Variants in DAB1 observed in about 807,000 individuals in gnomAD.
DAB1 encodes DAB adaptor protein 1.
In DAB1, 15 loss-of-function variants were observed where a neutral mutation model predicts 64.6. The ratio of observed to expected loss-of-function variants is 0.23; its 90% CI spans 0.16 to 0.36. The LOEUF is 0.36. Among genes scored for constraint, DAB1 ranks in the 10% least tolerant of loss-of-function variants. The probability of loss-of-function intolerance (pLI) is 1.00; values close to 1 mark genes in which losing one functional copy is unlikely to be tolerated. For missense variants in DAB1, 596 were observed against 706.7 expected (o/e 0.84, Z 1.78); for synonymous variants, 235 against 251.9 (o/e 0.93, Z 0.64).
intron 3 of DAB1, among the ~76,000 whole-genome samples, chr1:58,403,897 T>G (rs1018082636): frequency 6.6e-6 from 1 of 152,238 alleles, no homozygotes; most frequent in Non-Finnish European, 1.5e-5. Context: ...CTCTAGAATC[T>G]TCACTCTTTT....
intron 4 of DAB1, among the ~76,000 whole-genome samples, chr1:58,223,407 T>C (rs937545167): frequency 3.9e-5 from 6 of 152,214 alleles, no homozygotes; most frequent in Non-Finnish European, 7.3e-5. Flanking sequence ...AAGATCACAG[T>C]GCCTAGGTGA....
At chr1:57,800,725 C>T (rs1230547922) in intron 6 of DAB1, among the ~76,000 whole-genome samples, 1 of 152,196 alleles carries the variant, frequency 6.6e-6, no homozygotes, top group Admixed American at 6.5e-5. Context: ...TTCACCCCCA[C>T]CCCAAATCCC....
At chr1:57,025,339 C>T (rs1646749969) in intron 10 of DAB1, among the ~76,000 whole-genome samples, 1 of 152,202 alleles carries the variant, frequency 6.6e-6, no homozygotes, top group African/African-American at 2.4e-5. Context: ...CTTTTGTAAG[C>T]ACTGACTGAG....
At chr1:57,532,233 T>C (rs751176880) in intron 7 of DAB1, among the ~76,000 whole-genome samples, 12 of 127,940 alleles carry the variant, frequency 9.4e-5, no homozygotes, top group Admixed American at 6.0e-4. Flanking sequence ...GGAGTGATAA[T>C]GGTGTGGGCG....
chr1:58,434,741 G>A (rs1275322736), intron 3 of DAB1, among the ~76,000 whole-genome samples: 1 of 152,164 alleles, frequency 6.6e-6, no homozygotes, highest in African/African-American at 2.4e-5. Flanking sequence ...TTAAGATGTT[G>A]CTTTGACACC....
At position 57,015,383 on chromosome 1, in the gene DAB1, G is replaced by T. The variant is rs865869141; in HGVS notation, c.944C>A (p.Pro315His). Residue 315 changes from proline (P) to histidine (H), a missense_variant, in exon 12 of 15, where the codon CCC (proline) becomes CAC (histidine). By Grantham distance (77) the Pro-to-His change is moderately conservative. Around this residue, in one of 3 missense-constraint regions of DAB1, gnomAD observed 377 missense variants for 400.4 expected, o/e 0.94. Transcript: ENST00000371236. ...AVLPSFWGQQ[P>H]LVQQQMVMGA... ...CATGACCATCTGCTGTTGGACGAGG[G>T]GCTGCTGACCCCAGAAGGACGGGAG... 2 of 1,613,816 alleles carry T rather than the reference G, an allele frequency of 1.2e-6. No homozygotes were observed. Among genetic ancestry groups the T allele is most frequent in the African/African-American group, 2.7e-5 (2 of 74,908 alleles).
At chr1:57,334,816 T>C (rs576307798) in intron 1 of DAB1, among the ~76,000 whole-genome samples, 6 of 152,162 alleles carry the variant, frequency 3.9e-5, no homozygotes, top group Non-Finnish European at 5.9e-5. Flanking sequence ...TGGCTAGTAA[T>C]AGTAGAGCTG....
chr1:57,090,734 T>C (rs1247898745), intron 4 of DAB1, among the ~76,000 whole-genome samples: 1 of 152,112 alleles, frequency 6.6e-6, no homozygotes, highest in Non-Finnish European at 1.5e-5. Flanking sequence ...CCTTTAAGTG[T>C]CCTCTAATTG....
At chr1:58,052,997 A>G (rs1647784260) in intron 5 of DAB1, among the ~76,000 whole-genome samples, 1 of 152,224 alleles carries the variant, frequency 6.6e-6, no homozygotes, top group African/African-American at 2.4e-5. Flanking sequence ...ATGGTGAAAG[A>G]AAAAGCAAGA....
At chr1:57,257,326 A>T (rs2100543456) in intron 2 of DAB1, among the ~76,000 whole-genome samples, 1 of 152,306 alleles carries the variant, frequency 6.6e-6, no homozygotes, top group African/African-American at 2.4e-5. Context: ...CCAGTCTCCA[A>T]AAGTGTGCTC....
At chr1:57,028,326 G>T (rs1205902389) in intron 9 of DAB1, among the ~76,000 whole-genome samples, 1 of 152,076 alleles carries the variant, frequency 6.6e-6, no homozygotes, top group Non-Finnish European at 1.5e-5. Flanking sequence ...TTTGCCTTCC[G>T]CCATGATATT....
At chr1:57,440,642 C>T (rs1018028615) in intron 7 of DAB1, among the ~76,000 whole-genome samples, 3 of 152,102 alleles carry the variant, frequency 2.0e-5, no homozygotes, top group African/African-American at 7.2e-5. Context: ...AAGGCAAAAC[C>T]GTTCATAGCT....
At chr1:57,964,714 C>T (rs1343388013) in intron 5 of DAB1, among the ~76,000 whole-genome samples, 6 of 152,160 alleles carry the variant, frequency 3.9e-5, no homozygotes, top group Middle Eastern at 3.4e-3. Context: ...GTAAGTTATC[C>T]GATGGCAGAA....
At chr1:57,394,047 G>A (rs566153454) in intron 1 of DAB1, among the ~76,000 whole-genome samples, 65 of 152,250 alleles carry the variant, frequency 4.3e-4, no homozygotes, top group African/African-American at 1.3e-3. Context: ...AGTTCTCAAC[G>A]TAGCATTATG....
At chr1:57,460,126 C>A (rs1256114798) in intron 7 of DAB1, among the ~76,000 whole-genome samples, 1 of 152,176 alleles carries the variant, frequency 6.6e-6, no homozygotes, top group Non-Finnish European at 1.5e-5. Flanking sequence ...ATTAGTTGAG[C>A]AAACAAACCA....
intron 1 of DAB1, among the ~76,000 whole-genome samples, chr1:57,354,453 A>T (rs1253565819): frequency 6.6e-6 from 1 of 152,128 alleles, no homozygotes; most frequent in Non-Finnish European, 1.5e-5. Context: ...GTAGTATGAC[A>T]TCTTCAATGA....
intron 5 of DAB1, among the ~76,000 whole-genome samples, chr1:58,125,964 G>A (rs1476652464): frequency 6.6e-6 from 1 of 152,088 alleles, no homozygotes; most frequent in African/African-American, 2.4e-5. Flanking sequence ...GGAAGGAGAA[G>A]GGGACAGGCT....
chr1:57,691,957 G>A lies in DAB1; in HGVS notation n.552-42292C>T, dbSNP rs1646769772. 2.6e-5 allele frequency among the ~76,000 whole-genome samples: 4 copies of A among 152,068 alleles called. No individual in the cohort carries two copies. The South Asian group carries it at 8.3e-4, about 32-fold the overall frequency. On this transcript the variant is annotated intron_variant and non_coding_transcript_variant, in intron 6 of 20. Transcript: ENST00000485760. ...ATGGGTGTCAGGCTTTCTGGGAAAG[G>A]GCTCTCTAACAACCCCCAACTCTTC... is the stretch of plus-strand genomic sequence containing the variant.
intron 7 of DAB1, among the ~76,000 whole-genome samples, chr1:57,615,939 T>C (rs373818561): frequency 6.6e-6 from 1 of 152,282 alleles, no homozygotes; most frequent in East Asian, 1.9e-4. Context: ...CCCCTGTAAG[T>C]ACTGAAACAG....
Sources: gnomAD v4.1 joint callset for allele counts (sites outside exome capture counted in the v4.1 genomes callset) on GRCh38, gnomAD v4.1.1 for gene constraint, gnomAD v4.1.1 regional missense constraint, MANE v1.5 for transcripts, NCBI Gene and HGNC (gene_info 2026-07-23, HGNC 2026-07-21) for gene names.